GMDS: variants seen among roughly 807,000 people sequenced by gnomAD.
GMDS encodes GDP-mannose 4,6-dehydratase.
A neutral mutation model predicts 49.9 loss-of-function variants in GMDS; 20 were observed. The observed-to-expected ratio is 0.40, with a 90% CI of 0.28 to 0.58. GMDS has a LOEUF of 0.58. GMDS is among the 20% of genes least tolerant of loss of function. The pLI, the probability that GMDS is intolerant of heterozygous loss-of-function variation, is 0.42. For missense variants in GMDS, 362 were observed against 481.4 expected, an observed-to-expected ratio of 0.75 and a Z score of 2.32; for synonymous variants, 177 against 178.6, an observed-to-expected ratio of 0.99 and a Z score of 0.07.
chr6:1,727,108 C>CA (rs1766619819), intron 8 of GMDS, among the ~76,000 whole-genome samples: 4 of 152,132 alleles, frequency 2.6e-5, no homozygotes, highest in Non-Finnish European at 5.9e-5. Context: ...AAGTACAGAA[C>CA]TAATTGTTTG....
At chr6:2,158,659 A>G (rs1777227483) in intron 1 of GMDS, among the ~76,000 whole-genome samples, 2 of 152,192 alleles carry the variant, frequency 1.3e-5, no homozygotes, top group Admixed American at 1.3e-4. Context: ...TTGTTTATCA[A>G]GATATTTGGT....
At chr6:1,678,262 G>A (rs1034112686) in intron 9 of GMDS, among the ~76,000 whole-genome samples, 1 of 152,126 alleles carries the variant, frequency 6.6e-6, no homozygotes, top group African/African-American at 2.4e-5. Flanking sequence ...AGAGGACTCT[G>A]TTCTCCCTAA....
chr6:1,928,801 T>C (rs1762147118), intron 7 of GMDS, among the ~76,000 whole-genome samples: 1 of 152,048 alleles, frequency 6.6e-6, no homozygotes, highest in African/African-American at 2.4e-5. Context: ...AAACCCCATC[T>C]CTGCTAAAAA....
At chr6:1,968,215 T>C (rs914576797) in intron 4 of GMDS, among the ~76,000 whole-genome samples, 11 of 152,242 alleles carry the variant, frequency 7.2e-5, no homozygotes, top group African/African-American at 2.4e-4. Flanking sequence ...TATTCACATA[T>C]AATATATTGA....
At chr6:1,714,599 G>C (rs1025396168) in intron 9 of GMDS, among the ~76,000 whole-genome samples, 6 of 152,210 alleles carry the variant, frequency 3.9e-5, no homozygotes, top group Non-Finnish European at 7.3e-5. Context: ...GGGAAAGCCA[G>C]AGAACTGAGT....
chr6:1,771,268 T>C (rs1768565867), intron 7 of GMDS, among the ~76,000 whole-genome samples: 1 of 152,182 alleles, frequency 6.6e-6, no homozygotes, highest in Admixed American at 6.5e-5. Flanking sequence ...TGGGGGTTTC[T>C]TTGTCTTCTC....
At chr6:2,059,725 A>AAAAAAAAAAAAAAAAAAC (rs1771023894) in intron 4 of GMDS, among the ~76,000 whole-genome samples, 1 of 140,744 alleles carries the variant, frequency 7.1e-6, no homozygotes, top group Non-Finnish European at 1.5e-5. Flanking sequence ...AAAAAAAAAA[A>AAAAAAAAAAAAAAAAAAC]AATGCACTAC....
intron 7 of GMDS, among the ~76,000 whole-genome samples, chr6:1,750,796 G>A (rs1396913581): frequency 6.6e-6 from 1 of 152,132 alleles, no homozygotes; most frequent in Non-Finnish European, 1.5e-5. Context: ...CCACCCCCAT[G>A]GTGCCCAGCA....
chr6:2,038,622 ATTC>A (rs1350696259), intron 4 of GMDS, among the ~76,000 whole-genome samples: 1 of 152,212 alleles, frequency 6.6e-6, no homozygotes, highest in Non-Finnish European at 1.5e-5. Context: ...TCTCAAAAGT[ATTC>A]TTCCCAATTC....
intron 7 of GMDS, among the ~76,000 whole-genome samples, chr6:1,925,550 G>C (rs992197975): frequency 4.6e-5 from 7 of 152,204 alleles, no homozygotes; most frequent in Admixed American, 3.9e-4. Context: ...GAGAAACAAT[G>C]TACTTGCACA....
chr6:2,155,387 G>A (rs1033571338), intron 1 of GMDS, among the ~76,000 whole-genome samples: 1 of 152,092 alleles, frequency 6.6e-6, no homozygotes, highest in African/African-American at 2.4e-5. Context: ...GAAATGAAGT[G>A]GATTCACGGC....
intron 9 of GMDS, among the ~76,000 whole-genome samples, chr6:1,670,164 C>T (rs932031593): frequency 1.3e-5 from 2 of 152,138 alleles, no homozygotes; most frequent in Admixed American, 1.3e-4. Flanking sequence ...CTCAACTCCT[C>T]CCTGTGGCAC....
At chr6:2,066,028 C>G (rs1003818258) in intron 4 of GMDS, among the ~76,000 whole-genome samples, 1 of 152,212 alleles carries the variant, frequency 6.6e-6, no homozygotes, top group Non-Finnish European at 1.5e-5. Context: ...AGAGAAAGGT[C>G]AGGTTACCCT....
At chr6:2,201,657 G>A (rs1237937163) in intron 1 of GMDS, among the ~76,000 whole-genome samples, 3 of 125,468 alleles carry the variant, frequency 2.4e-5, no homozygotes, top group Non-Finnish European at 5.1e-5. Context: ...AGGGCAGCAT[G>A]TTAGCAGAGA....
chr6:1,805,037 A>G (rs1436960066), intron 7 of GMDS, among the ~76,000 whole-genome samples: 2 of 152,212 alleles, frequency 1.3e-5, no homozygotes, highest in Non-Finnish European at 2.9e-5. Context: ...CTTACCATCT[A>G]TAACAGAGTG....
At chr6:1,864,681 C>T (rs1758357062) in intron 7 of GMDS, among the ~76,000 whole-genome samples, 1 of 152,186 alleles carries the variant, frequency 6.6e-6, no homozygotes, top group African/African-American at 2.4e-5. Flanking sequence ...TTTAACACCA[C>T]TTAAAAATCA....
chr6:1,806,439 AACACACACAC>A (rs34940754), intron 7 of GMDS, among the ~76,000 whole-genome samples: 7 of 146,108 alleles, frequency 4.8e-5, no homozygotes, highest in African/African-American at 1.5e-4. Flanking sequence ...AGCACATGGG[AACACACACAC>A]ACACACACAC....
chr6:2,072,006 C>T (rs1326444969), intron 4 of GMDS, among the ~76,000 whole-genome samples: 3 of 152,116 alleles, frequency 2.0e-5, no homozygotes, highest in Non-Finnish European at 2.9e-5. Context: ...TAGAACAATT[C>T]TTTATTAGCG....
intron 1 of GMDS, chr6:2,175,918 T>C: frequency 8.1e-7 from 1 of 1,241,256 alleles, no homozygotes; most frequent in Non-Finnish European, 1.1e-6. Flanking sequence ...TATAAGGTAA[T>C]ACTATTTTCT....
Sources: gnomAD v4.1 joint callset for allele counts (sites outside exome capture counted in the v4.1 genomes callset) on GRCh38, gnomAD v4.1.1 for gene constraint, MANE v1.5 for transcripts, NCBI Gene and HGNC (gene_info 2026-07-23, HGNC 2026-07-21) for gene names.